The following CMTM6 variants were observed in gnomAD, a reference collection of about 807,000 sequenced individuals.
The protein encoded by CMTM6 is CKLF like MARVEL transmembrane domain containing 6.
A neutral mutation model predicts 13.6 loss-of-function variants in CMTM6; 5 were observed. The ratio of observed to expected loss-of-function variants is 0.37; its 90% CI spans 0.19 to 0.77. The LOEUF is 0.77. CMTM6 is among the 30% of genes least tolerant of loss of function. The pLI is 0.50. For missense variants in CMTM6, 196 were observed against 218.6 expected (o/e 0.90, Z 0.65); for synonymous variants, 99 against 84.5 (o/e 1.17, Z -0.94).
chr3:32,502,792 C>T lies in CMTM6; in HGVS notation c.-47G>A. 4 of 1,391,584 alleles carry T rather than the reference C, an allele frequency of 2.9e-6. No individual in the cohort carries two copies. Among genetic ancestry groups the T allele is most frequent in the Non-Finnish European group, 3.7e-6 (4 of 1,073,234 alleles). 86.2% of individuals were successfully genotyped at this position (1,391,584 alleles called of 1,614,324 possible). On this transcript the variant is annotated 5_prime_UTR_variant, in exon 1 of 4. Transcript: ENST00000205636. Reference sequence around the variant, plus strand: ...GCGGCCGCAGCAACCGCGCCGTTGACTTCTCGGACTCCAGAAGTCCCCGGT... The same window carrying T: ...GCGGCCGCAGCAACCGCGCCGTTGATTTCTCGGACTCCAGAAGTCCCCGGT...
intron 1 of CMTM6, among the ~76,000 whole-genome samples, chr3:32,494,596 G>C (rs1418278010): frequency 6.6e-6 from 1 of 152,024 alleles, no homozygotes; most frequent in Admixed American, 6.6e-5. Flanking sequence ...TTTATTCATA[G>C]TAGCCCCAAA....
At chr3:32,494,874 G>A (rs1697276589) in intron 1 of CMTM6, among the ~76,000 whole-genome samples, 1 of 152,174 alleles carries the variant, frequency 6.6e-6, no homozygotes, top group Admixed American at 6.5e-5. Flanking sequence ...TGGCTACAAA[G>A]GGGTAGCACA....
Position 32,491,754 on chromosome 3 carries a change from T to A in CMTM6, c.271A>T (p.Thr91Ser). ...GTATCAACTCTCTCATAAAATGGAG[T>A]GCAATACACAATCAGTATAAGGAGA... ...LSLLILIVYCTPFYERVDTTK... is the reference protein window; with the variant it reads ...LSLLILIVYCSPFYERVDTTK... Residue 91 changes from threonine to serine, a missense_variant, in exon 2 of 4, where the codon ACT (threonine) becomes TCT (serine). Thr to Ser is a moderately conservative substitution (Grantham distance 58). Coordinates refer to ENST00000205636, the MANE Select transcript of CMTM6 (RefSeq NM_017801.3). 1 of 1,607,984 alleles carries A rather than the reference T, an allele frequency of 6.2e-7. No homozygotes were observed. The highest frequency in any genetic ancestry group is 8.5e-7 in the Non-Finnish European group (1 of 1,177,740).
intron 1 of CMTM6, among the ~76,000 whole-genome samples, chr3:32,497,152 G>C (rs1324206967): frequency 1.3e-5 from 2 of 152,058 alleles, no homozygotes; most frequent in African/African-American, 4.8e-5. Context: ...GGGAGGCCGA[G>C]GTGGGCGGAT....
At chr3:32,488,367 A>C (rs1434056995) in intron 2 of CMTM6, 1 of 66,448 alleles carries the variant, frequency 1.5e-5, no homozygotes, top group Non-Finnish European at 3.3e-5. Flanking sequence ...CCAAAAAAAG[A>C]AAAAAAAAAA....
intron 1 of CMTM6, among the ~76,000 whole-genome samples, chr3:32,502,218 TA>T (rs1451794534): frequency 1.3e-5 from 2 of 152,170 alleles, no homozygotes; most frequent in African/African-American, 4.8e-5. Context: ...CAGAGAAAGA[TA>T]AACAGCGCTT....
chr3:32,484,611 T>A (rs1453889590), intron 3 of CMTM6, among the ~76,000 whole-genome samples: 1 of 152,200 alleles, frequency 6.6e-6, no homozygotes, highest in Non-Finnish European at 1.5e-5. Context: ...CACAGTGACA[T>A]GACGCCACTA....
chr3:32,498,105 C>T (rs1697312065), intron 1 of CMTM6, among the ~76,000 whole-genome samples: 1 of 152,108 alleles, frequency 6.6e-6, no homozygotes, highest in Non-Finnish European at 1.5e-5. Flanking sequence ...AAGCTAAGTA[C>T]TTAACAACTG....
chr3:32,496,309 C>G (rs1379432904), intron 1 of CMTM6, among the ~76,000 whole-genome samples: 1 of 151,674 alleles, frequency 6.6e-6, no homozygotes, highest in African/African-American at 2.4e-5. Context: ...CGGCCAGATG[C>G]GATGGCTCAC....
At chr3:32,501,087 C>A (rs1697340634) in intron 1 of CMTM6, among the ~76,000 whole-genome samples, 1 of 148,250 alleles carries the variant, frequency 6.7e-6, no homozygotes, top group Non-Finnish European at 1.5e-5. Flanking sequence ...GTAGTCCCAA[C>A]TACTCGGCAC....
intron 1 of CMTM6, among the ~76,000 whole-genome samples, chr3:32,494,441 G>C (rs1360100755): frequency 6.6e-6 from 1 of 152,130 alleles, no homozygotes; most frequent in East Asian, 1.9e-4. Flanking sequence ...TCATTAAAAA[G>C]GGACAAACAA....
At chr3:32,502,574 A>T (rs1209037034) in intron 1 of CMTM6, 34 bp downstream of exon 1, 2 of 1,571,416 alleles carry the variant, frequency 1.3e-6, no homozygotes, top group Non-Finnish European at 1.7e-6. Context: ...CCCGCTCCCC[A>T]GCCCGGGCTC....
Position 32,483,952 on chromosome 3 carries a change from C to T in CMTM6, c.*8G>A. On this transcript the variant is annotated 3_prime_UTR_variant, in exon 4 of 4. Transcript: ENST00000205636. Reference sequence around the variant, plus strand: ...ACTACCTTAGGTAACATCTGCTCCCCAGAGTCTTTAGGCATTAAGTGGCTC... The same window carrying T: ...ACTACCTTAGGTAACATCTGCTCCCTAGAGTCTTTAGGCATTAAGTGGCTC... 1 of 1,588,758 alleles carries T rather than the reference C, an allele frequency of 6.3e-7. No homozygotes were observed. Among genetic ancestry groups the T allele is most frequent in the South Asian group, 1.1e-5 (1 of 87,026 alleles).
At chr3:32,502,470 G>T in intron 1 of CMTM6, 138 bp downstream of exon 1, 1 of 1,099,732 alleles carries the variant, frequency 9.1e-7, no homozygotes, top group Non-Finnish European at 1.2e-6. Flanking sequence ...TCCCCAGGCT[G>T]AGAGGGAAGG....
intron 1 of CMTM6, among the ~76,000 whole-genome samples, chr3:32,492,408 A>G (rs1275833983): frequency 6.6e-6 from 1 of 152,220 alleles, no homozygotes; most frequent in African/African-American, 2.4e-5. Context: ...AAGGGAAGAG[A>G]ATGGCAGCAC....
intron 2 of CMTM6, among the ~76,000 whole-genome samples, chr3:32,490,537 A>T (rs570041143): frequency 1.3e-5 from 2 of 152,314 alleles, no homozygotes; most frequent in Admixed American, 6.5e-5. Flanking sequence ...CTATTTTAGG[A>T]TGGACTAATT....
At chr3:32,499,205 T>G (rs988386394) in intron 1 of CMTM6, among the ~76,000 whole-genome samples, 4 of 152,218 alleles carry the variant, frequency 2.6e-5, no homozygotes, top group African/African-American at 9.6e-5. Context: ...GGGATCTTCC[T>G]CAAGGTAAAA....
rs775744829 is a variant in CMTM6 at position 32,502,717 on chromosome 3, G to A, written c.29C>T (p.Thr10Ile). 6.3e-7 allele frequency: 1 copy of A among 1,577,482 alleles called. No individual in the cohort carries two copies. Residue 10 changes from threonine (T) to isoleucine (I), a missense_variant, in exon 1 of 4, where the codon ACT (threonine) becomes ATT (isoleucine). Around this residue, in one of 2 missense-constraint regions of CMTM6, gnomAD observed 85 missense variants for 58.7 expected, o/e 1.45. Transcript: ENST00000205636. Reference protein sequence around the residue: MENGAVYSPTTEEDPGPARG... With the variant: MENGAVYSPITEEDPGPARG... The stretch of plus-strand genomic sequence containing the variant: ...GGCGGGGCCCGGGTCCTCCTCCGTA[G>A]TGGGGCTGTACACCGCTCCGTTCTC...
chr3:32,497,791 G>C (rs565634460), intron 1 of CMTM6, among the ~76,000 whole-genome samples: 2 of 151,028 alleles, frequency 1.3e-5, no homozygotes, highest in African/African-American at 2.4e-5. Context: ...CTGGGAGGCA[G>C]AGGTTGCAAT....
Sources: allele counts gnomAD v4.1 joint callset (sites outside exome capture counted in the v4.1 genomes callset), GRCh38; gene constraint gnomAD v4.1.1; regional missense constraint gnomAD v4.1.1; transcripts MANE v1.5; gene names NCBI Gene and HGNC (gene_info 2026-07-23, HGNC 2026-07-21).